Variants in IL21R observed in about 807,000 individuals in gnomAD.
IL21R encodes interleukin 21 receptor.
In IL21R, 14 loss-of-function variants were observed where a neutral mutation model predicts 41.3. That is an observed-to-expected ratio of 0.34 (90% CI 0.22 to 0.53). The LOEUF (loss-of-function observed/expected upper bound fraction) is 0.53, where lower values mean the gene tolerates loss of function less well. Among genes scored for constraint, IL21R ranks in the 20% least tolerant of loss-of-function variants. The pLI is 0.94. For synonymous variants in IL21R, 286 were observed against 287.6 expected, an observed-to-expected ratio of 0.99 and a Z score of 0.05; for missense variants, 588 against 681.6, an observed-to-expected ratio of 0.86 and a Z score of 1.53.
At chr16:27,433,622 A>G (rs986510785) in intron 2 of IL21R, among the ~76,000 whole-genome samples, 2 of 152,236 alleles carry the variant, frequency 1.3e-5, no homozygotes, top group African/African-American at 4.8e-5. Context: ...TTTAGAACAC[A>G]GCGAAACAAT....
intron 1 of IL21R, among the ~76,000 whole-genome samples, chr16:27,426,363 C>T (rs1341038660): frequency 3.3e-5 from 5 of 152,176 alleles, no homozygotes; most frequent in Admixed American, 6.5e-5. Flanking sequence ...AGGTAAAGAT[C>T]AATAGTAAGT....
At chr16:27,420,720 C>A (rs749400807) in intron 1 of IL21R, among the ~76,000 whole-genome samples, 12 of 152,176 alleles carry the variant, frequency 7.9e-5, no homozygotes, top group Non-Finnish European at 1.3e-4. Context: ...TTAACAAATA[C>A]GTGATTTGCA....
rs568679746 is a variant in IL21R at position 27,432,668 on chromosome 16, G to A, written c.50-1679G>A. Among the ~76,000 whole-genome samples, 10 of 152,300 alleles carry A rather than the reference G, an allele frequency of 6.6e-5. No homozygotes were observed. The South Asian group carries it at 2.1e-3, about 32-fold the overall frequency. On this transcript the variant is annotated intron_variant, in intron 2 of 8. Coordinates refer to ENST00000337929, the MANE Select transcript of IL21R (RefSeq NM_181078.3). ...CTTAGAGGCTCTGTGTTGAGGTTTTGCCAAAATCAGTCCTGTTTTCTCCAC... is the reference window on the plus strand; with the variant it reads ...CTTAGAGGCTCTGTGTTGAGGTTTTACCAAAATCAGTCCTGTTTTCTCCAC...
At chr16:27,447,351 C>G (rs555836040) in intron 8 of IL21R, among the ~76,000 whole-genome samples, 16 of 151,952 alleles carry the variant, frequency 1.1e-4, no homozygotes, top group Admixed American at 2.0e-4. Flanking sequence ...ACTGAGGCAC[C>G]GAGAGGGTAA....
chr16:27,448,741 G>C lies in IL21R; in HGVS notation c.1075G>C (p.Gly359Arg). Residue 359 changes from glycine (G) to arginine (R), a missense_variant, in exon 9 of 9, where the codon GGG becomes CGG. Gly to Arg is a moderately radical substitution (Grantham distance 125). Transcript: ENST00000337929. ...PSFWPTAQNS[G>R]GSAYSEERDR... is the part of the protein sequence containing the mutation. The stretch of plus-strand genomic sequence containing the variant: ...CTTCTGGCCGACAGCCCAGAACTCG[G>C]GGGGCTCAGCTTACAGTGAGGAGAG... The C allele has an allele frequency of 1.9e-6, 3 of 1,613,546 alleles. No homozygotes were observed. In the East Asian group the frequency reaches 6.7e-5, roughly 36 times the overall value.
At chr16:27,442,209 T>C (rs1253650182) in intron 4 of IL21R, among the ~76,000 whole-genome samples, 1 of 151,704 alleles carries the variant, frequency 6.6e-6, no homozygotes, top group Non-Finnish European at 1.5e-5. Context: ...CGTTTGGGTG[T>C]GCATGTGTGG....
intron 2 of IL21R, among the ~76,000 whole-genome samples, chr16:27,432,333 T>A (rs1425337947): frequency 6.6e-6 from 1 of 152,092 alleles, no homozygotes; most frequent in Non-Finnish European, 1.5e-5. Flanking sequence ...CAGTTTTGAG[T>A]CACATGTTTG....
At chr16:27,415,465 A>G (rs751737952) in intron 1 of IL21R, among the ~76,000 whole-genome samples, 3 of 152,222 alleles carry the variant, frequency 2.0e-5, no homozygotes, top group Admixed American at 1.3e-4. Context: ...AGCAAAGGTC[A>G]TGGCAACCGG....
chr16:27,404,780 G>A, intron 1 of IL21R, among the ~76,000 whole-genome samples: 1 of 152,232 alleles, frequency 6.6e-6, no homozygotes, highest in East Asian at 1.9e-4. Flanking sequence ...GTGACCTTGA[G>A]GAAGCCACCT....
chr16:27,435,255 AAAAACAAAAC>A (rs368817590), intron 3 of IL21R, among the ~76,000 whole-genome samples: 2 of 151,926 alleles, frequency 1.3e-5, no homozygotes, highest in South Asian at 2.1e-4. Context: ...ATCCCAACTC[AAAAACAAAAC>A]AAAACAAAAC....
chr16:27,406,317 C>T (rs2086746398), intron 1 of IL21R, among the ~76,000 whole-genome samples: 1 of 151,626 alleles, frequency 6.6e-6, no homozygotes, highest in Non-Finnish European at 1.5e-5. Flanking sequence ...GCTGCAGAGG[C>T]TGAGAGATTG....
rs973478003 is a variant in IL21R at position 27,449,538 on chromosome 16, A to G, written c.*255A>G. On this transcript the variant is annotated 3_prime_UTR_variant, in exon 9 of 9. Transcript: ENST00000337929. Reference sequence around the variant, plus strand: ...GATTGCACGTGCCTGTGGGCCTGGGATAATGCCCATGGTACTCCATGCATT... The same window carrying G: ...GATTGCACGTGCCTGTGGGCCTGGGGTAATGCCCATGGTACTCCATGCATT... 1 of 549,704 alleles carries G rather than the reference A, an allele frequency of 1.8e-6. No individual in the cohort carries two copies. Among genetic ancestry groups the G allele is most frequent in the Non-Finnish European group, 3.2e-6 (1 of 310,512 alleles). The allele number at this position is 549,704 out of a possible 1,614,324, so 34.1% of individuals were successfully genotyped here. A position where few individuals can be genotyped will look rare whatever the true frequency, so the allele number is the denominator to read the frequency against.
At chr16:27,439,488 A>G (rs180930548) in intron 4 of IL21R, among the ~76,000 whole-genome samples, 1 of 151,228 alleles carries the variant, frequency 6.6e-6, no homozygotes, top group Non-Finnish European at 1.5e-5. Context: ...GTAGACTCAC[A>G]CATGCACACA....
intron 1 of IL21R, among the ~76,000 whole-genome samples, chr16:27,407,141 A>G (rs1486015886): frequency 1.3e-5 from 2 of 152,176 alleles, no homozygotes; most frequent in African/African-American, 2.4e-5. Context: ...TCATTCATTC[A>G]TTCACTTAAC....
intron 1 of IL21R, among the ~76,000 whole-genome samples, chr16:27,429,668 G>A (rs976743123): frequency 3.9e-5 from 6 of 152,160 alleles, no homozygotes; most frequent in African/African-American, 1.4e-4. Context: ...CAGCTACTCG[G>A]GAGGCTGATG....
intron 1 of IL21R, among the ~76,000 whole-genome samples, chr16:27,404,290 C>G (rs1295608454): frequency 6.6e-6 from 1 of 152,114 alleles, no homozygotes; most frequent in Non-Finnish European, 1.5e-5. Context: ...AATCCAGGAC[C>G]AGGAGAGGTG....
chr16:27,450,140 C>T lies in IL21R; in HGVS notation c.*857C>T, dbSNP rs1302719103. 1.7e-5 allele frequency: 4 copies of T among 232,832 alleles called. No individual in the cohort carries two copies. The highest frequency in any genetic ancestry group is 6.0e-5 in the East Asian group (1 of 16,566). 14.4% of individuals were successfully genotyped at this position (232,832 alleles called of 1,614,324 possible). A position where few individuals can be genotyped will look rare whatever the true frequency, so the allele number is the denominator to read the frequency against. On this transcript the variant is annotated 3_prime_UTR_variant, in exon 9 of 9. Coordinates refer to ENST00000337929, the MANE Select transcript of IL21R (RefSeq NM_181078.3). ...AATCGTCAGCGACAGCCTGGGCACC[C>T]GCGGGGCCGTCCCGCCTGCAGAGGG...
intron 2 of IL21R, among the ~76,000 whole-genome samples, chr16:27,433,744 C>T (rs989982253): frequency 2.6e-5 from 4 of 152,180 alleles, no homozygotes; most frequent in Non-Finnish European, 5.9e-5. Context: ...CGCAGGATCA[C>T]GCAGACCTTT....
chr16:27,419,983 A>G (rs2086973663), intron 1 of IL21R, among the ~76,000 whole-genome samples: 1 of 145,082 alleles, frequency 6.9e-6, no homozygotes, highest in South Asian at 2.2e-4. Flanking sequence ...CTGCCTCCCC[A>G]TTCAAGTGAT....
Sources: gnomAD v4.1 joint callset for allele counts (sites outside exome capture counted in the v4.1 genomes callset) on GRCh38, gnomAD v4.1.1 for gene constraint, MANE v1.5 for transcripts, NCBI Gene and HGNC (gene_info 2026-07-23, HGNC 2026-07-21) for gene names.